PRKG1: variants seen among roughly 807,000 people sequenced by gnomAD.
PRKG1 encodes protein kinase cGMP-dependent 1.
A neutral mutation model predicts 88.1 loss-of-function variants in PRKG1; 35 were observed. The ratio of observed to expected loss-of-function variants is 0.40; its 90% CI spans 0.30 to 0.53. The LOEUF (loss-of-function observed/expected upper bound fraction) is 0.53, where lower values mean the gene tolerates loss of function less well. Among genes scored for constraint, PRKG1 ranks in the 20% least tolerant of loss-of-function variants. The pLI is 0.59. For synonymous variants in PRKG1, 303 were observed against 292.5 expected (o/e 1.04, Z -0.37); for missense variants, 540 against 839.8 (o/e 0.64, Z 4.41).
intron 3 of PRKG1, among the ~76,000 whole-genome samples, chr10:51,532,821 C>T (rs1842051218): frequency 6.6e-6 from 1 of 152,142 alleles, no homozygotes; most frequent in Admixed American, 6.5e-5. Flanking sequence ...GGACAACCAC[C>T]TAAATCAATA....
At chr10:51,642,857 G>C (rs1163871275) in intron 3 of PRKG1, among the ~76,000 whole-genome samples, 1 of 152,164 alleles carries the variant, frequency 6.6e-6, no homozygotes, top group South Asian at 2.1e-4. Context: ...CTGGATTTCT[G>C]TCTGACCCTG....
At chr10:51,687,875 T>C (rs867624131) in intron 3 of PRKG1, among the ~76,000 whole-genome samples, 3 of 152,184 alleles carry the variant, frequency 2.0e-5, no homozygotes, top group Non-Finnish European at 4.4e-5. Context: ...TAATTTCAAT[T>C]ATGCTGTCTT....
intron 3 of PRKG1, among the ~76,000 whole-genome samples, chr10:51,540,514 T>C (rs1419478457): frequency 2.6e-5 from 4 of 152,194 alleles, no homozygotes; most frequent in African/African-American, 9.7e-5. Context: ...TTTGTTTCAA[T>C]AAATTAGATA....
At chr10:51,596,355 A>G (rs1838448041) in intron 3 of PRKG1, among the ~76,000 whole-genome samples, 1 of 152,150 alleles carries the variant, frequency 6.6e-6, no homozygotes, top group Non-Finnish European at 1.5e-5. Flanking sequence ...TCTTCTCAAT[A>G]TCTTATCTTC....
At chr10:51,926,577 C>T (rs1301096274) in intron 5 of PRKG1, among the ~76,000 whole-genome samples, 2 of 152,044 alleles carry the variant, frequency 1.3e-5, no homozygotes, top group African/African-American at 4.8e-5. Context: ...TTCCCCACCC[C>T]TGATAACTGT....
At chr10:51,141,326 C>T (rs1305460032) in intron 1 of PRKG1, among the ~76,000 whole-genome samples, 1 of 152,138 alleles carries the variant, frequency 6.6e-6, no homozygotes, top group East Asian at 1.9e-4. Context: ...TTTATTGCTT[C>T]TCTGTTTCTT....
chr10:51,870,377 C>T (rs1209640569), intron 4 of PRKG1, among the ~76,000 whole-genome samples: 3 of 151,800 alleles, frequency 2.0e-5, no homozygotes, highest in Non-Finnish European at 4.4e-5. Context: ...GATAAATATC[C>T]TCTGTTTTCT....
chr10:51,519,883 T>G (rs1398961350), intron 3 of PRKG1, among the ~76,000 whole-genome samples: 1 of 152,216 alleles, frequency 6.6e-6, no homozygotes, highest in Admixed American at 6.5e-5. Context: ...CACAGCTGGC[T>G]GTAATCTTAT....
chr10:51,927,106 A>G (rs1842595499), intron 5 of PRKG1, among the ~76,000 whole-genome samples: 1 of 152,068 alleles, frequency 6.6e-6, no homozygotes, highest in Non-Finnish European at 1.5e-5. Context: ...ATGTATCAAT[A>G]GATGATATGG....
intron 3 of PRKG1, among the ~76,000 whole-genome samples, chr10:51,553,061 G>C (rs1343494248): frequency 6.6e-6 from 1 of 151,518 alleles, no homozygotes; most frequent in Non-Finnish European, 1.5e-5. Flanking sequence ...CTCTTGGAAG[G>C]CCTGTGCAAC....
intron 3 of PRKG1, among the ~76,000 whole-genome samples, chr10:51,769,732 TA>T (rs1838254943): frequency 6.6e-6 from 1 of 151,958 alleles, no homozygotes; most frequent in Non-Finnish European, 1.5e-5. Context: ...ATTGGGGAAA[TA>T]AAAAAGAGAT....
At chr10:51,708,562 C>A (rs1841666232) in intron 3 of PRKG1, among the ~76,000 whole-genome samples, 1 of 152,264 alleles carries the variant, frequency 6.6e-6, no homozygotes, top group Non-Finnish European at 1.5e-5. Flanking sequence ...TCTCTTTGTA[C>A]ATTTGTGGTG....
intron 1 of PRKG1, among the ~76,000 whole-genome samples, chr10:51,087,297 T>C (rs1844278124): frequency 6.6e-6 from 1 of 152,074 alleles, no homozygotes; most frequent in South Asian, 2.1e-4. Context: ...TTGATGATGA[T>C]GATGATGATG....
chr10:51,364,018 A>G (rs1169136617), intron 2 of PRKG1, among the ~76,000 whole-genome samples: 1 of 152,024 alleles, frequency 6.6e-6, no homozygotes, highest in African/African-American at 2.4e-5. Context: ...GAATAATGAC[A>G]GAGAAACACT....
chr10:51,739,501 T>A (rs1455480152), intron 3 of PRKG1, among the ~76,000 whole-genome samples: 2 of 152,202 alleles, frequency 1.3e-5, no homozygotes, highest in Non-Finnish European at 2.9e-5. Context: ...TCATGGGTAT[T>A]GCTCCTAACA....
intron 2 of PRKG1, among the ~76,000 whole-genome samples, chr10:51,161,862 GA>G (rs955945918): frequency 9.9e-5 from 15 of 151,968 alleles, no homozygotes; most frequent in African/African-American, 2.7e-4. Context: ...TAAAAAGTGA[GA>G]AAAAAATGTG....
chr10:52,205,841 AAT>A (rs1839806901), intron 9 of PRKG1, among the ~76,000 whole-genome samples: 1 of 151,918 alleles, frequency 6.6e-6, no homozygotes, highest in Admixed American at 6.6e-5. Context: ...AGCTGCTTAA[AAT>A]TTTTTTTTTC....
intron 3 of PRKG1, among the ~76,000 whole-genome samples, chr10:51,798,187 TA>T: frequency 6.6e-6 from 1 of 152,192 alleles, no homozygotes; most frequent in East Asian, 1.9e-4. Flanking sequence ...CTGAATCATA[TA>T]CTGATCCCAT....
Position 51,670,507 on chromosome 10 carries a change from C to T in PRKG1, c.593-134078C>T, listed in dbSNP as rs545427684. Among the ~76,000 whole-genome samples the T allele has an allele frequency of 2.5e-4, 38 of 150,692 alleles. No homozygotes were observed. The Middle Eastern group carries it at 0.01, about 41-fold the overall frequency. ...ATCCCAGCACTTTGGGAGGCCGAGG[C>T]GGGCAGATCACGAGGTCAGGAGATC... On this transcript the variant is annotated intron_variant, in intron 3 of 17. Coordinates refer to ENST00000373980, the MANE Select transcript of PRKG1 (RefSeq NM_006258.4).
Sources: gnomAD v4.1 joint callset for allele counts (sites outside exome capture counted in the v4.1 genomes callset) on GRCh38, gnomAD v4.1.1 for gene constraint, MANE v1.5 for transcripts, NCBI Gene and HGNC (gene_info 2026-07-23, HGNC 2026-07-21) for gene names.